ERBIN: variants seen among roughly 807,000 people sequenced by gnomAD.
ERBIN encodes the protein erbb2 interacting protein, also known as densin-180-like protein.
Under a neutral mutation model 158.4 loss-of-function variants are expected in ERBIN, and 60 were observed. The observed-to-expected ratio is 0.38, with a 90% CI of 0.31 to 0.47. The LOEUF is 0.47. ERBIN is among the 20% of genes least tolerant of loss of function. The pLI is 0.99. For missense variants in ERBIN, 1,610 were observed against 1,648.0 expected, an observed-to-expected ratio of 0.98 and a Z score of 0.40; for synonymous variants, 594 against 557.2, an observed-to-expected ratio of 1.07 and a Z score of -0.93.
intron 14 of ERBIN, among the ~76,000 whole-genome samples, chr5:66,033,426 A>G (rs938144035): frequency 2.6e-5 from 4 of 152,228 alleles, no homozygotes; most frequent in Non-Finnish European, 5.9e-5. Context: ...GAGTAGCCAT[A>G]GAAGTAGAAG....
Position 66,053,661 on chromosome 5 carries a change from G to A in ERBIN, c.2343G>A (p.Met781Ile), listed in dbSNP as rs1367586140. The stretch of plus-strand genomic sequence containing the variant: ...ATGATACATTTCAACCAGAGATCAT[G>A]GAAAGATCAAAAACACAGGATATTG... Reference protein sequence around the residue: ...ITNDTFQPEIMERSKTQDIVL... With the variant: ...ITNDTFQPEIIERSKTQDIVL... The change falls in exon 21 of 26, where the codon ATG (methionine) becomes ATA (isoleucine). Residue 781 changes from methionine (M) to isoleucine (I), a missense_variant. By Grantham distance (10) the Met-to-Ile change is conservative. Around this residue, in one of 2 missense-constraint regions of ERBIN, gnomAD observed 1,014 missense variants for 936.1 expected, o/e 1.08. Transcript: ENST00000284037. 6.2e-7 allele frequency: 1 copy of A among 1,613,744 alleles called. No individual in the cohort carries two copies. The highest frequency in any genetic ancestry group is 2.2e-5 in the East Asian group (1 of 44,848).
chr5:65,945,980 TATTTTTA>T (rs1288787206), intron 1 of ERBIN, among the ~76,000 whole-genome samples: 1 of 152,206 alleles, frequency 6.6e-6, no homozygotes, highest in Non-Finnish European at 1.5e-5. Flanking sequence ...ACCTGTTTTT[TATTTTTA>T]TTTTTTATTT....
At position 65,951,725 on chromosome 5, in the gene ERBIN, C is replaced by T. The variant is rs1381707761; in HGVS notation, c.-58+24919C>T. On this transcript the variant is annotated intron_variant, in intron 1 of 25. Coordinates refer to ENST00000284037, the MANE Select transcript of ERBIN (RefSeq NM_001253697.2). ...CATTCGTAAAGCTATGTATAAAGTCCTTGTTTTTAGACTGTGGTTACAGTT... is the reference window on the plus strand; with the variant it reads ...CATTCGTAAAGCTATGTATAAAGTCTTTGTTTTTAGACTGTGGTTACAGTT... Among the ~76,000 whole-genome samples, 4 of 152,174 alleles carry T rather than the reference C, an allele frequency of 2.6e-5. No homozygotes were observed. In the East Asian group the frequency reaches 7.7e-4, roughly 29 times the overall value.
intron 5 of ERBIN, among the ~76,000 whole-genome samples, chr5:66,012,480 A>G (rs1419175857): frequency 1.3e-5 from 2 of 151,090 alleles, no homozygotes; most frequent in Non-Finnish European, 2.9e-5. Flanking sequence ...TTTGAAAACA[A>G]TGAAACCAAA....
chr5:65,940,978 A>G (rs1350116241), intron 1 of ERBIN, among the ~76,000 whole-genome samples: 3 of 152,106 alleles, frequency 2.0e-5, no homozygotes, highest in Non-Finnish European at 4.4e-5. Flanking sequence ...ACTAAGAAAA[A>G]TTCTTCTGCC....
At chr5:66,074,945 A>G in intron 22 of ERBIN, 79 bp from the exon 23 acceptor site, 2 of 1,296,940 alleles carry the variant, frequency 1.5e-6, no homozygotes, top group East Asian at 2.4e-5. Context: ...GTGCTTTTGT[A>G]ATGCTCCAAG....
At chr5:65,949,414 T>TA (rs1746229980) in intron 1 of ERBIN, among the ~76,000 whole-genome samples, 1 of 152,162 alleles carries the variant, frequency 6.6e-6, no homozygotes, top group Non-Finnish European at 1.5e-5. Flanking sequence ...CTGTACTAGC[T>TA]AAAAAACAAG....
chr5:66,055,203 C>A, intron 21 of ERBIN: 1 of 856,444 alleles, frequency 1.2e-6, no homozygotes, highest in Non-Finnish European at 1.5e-6. Flanking sequence ...ATGTGTCTGT[C>A]TCTTTGAGAT....
chr5:66,080,267 A>G lies in ERBIN; in HGVS notation c.*1737A>G, dbSNP rs1232552149. 1 of 152,566 alleles carries G rather than the reference A, an allele frequency of 6.6e-6. No homozygotes were observed. The highest frequency in any genetic ancestry group is 1.5e-5 in the Non-Finnish European group (1 of 67,976). 9.5% of individuals were successfully genotyped at this position (152,566 alleles called of 1,614,324 possible). A position where few individuals can be genotyped will look rare whatever the true frequency, so the allele number is the denominator to read the frequency against. On this transcript the variant is annotated 3_prime_UTR_variant, in exon 26 of 26. Transcript: ENST00000284037. ...CACTTTTAAAAATATGTGAACTCAA[A>G]TATTGCACTTCTTTCAAGATGTTAT...
Position 66,013,544 on chromosome 5 carries a change from T to C in ERBIN, c.387-5T>C, listed in dbSNP as rs201388624. 52 of 1,584,830 alleles carry C rather than the reference T, an allele frequency of 3.3e-5. No individual in the cohort carries two copies. Among genetic ancestry groups the C allele is most frequent in the African/African-American group, 6.7e-5 (5 of 74,282 alleles). The stretch of plus-strand genomic sequence containing the variant: ...ACTTAACTTAAATTCTGGTATTTTA[T>C]GTAGGCTCCCTGATGGATTTTCTCA... On this transcript the variant is annotated splice_polypyrimidine_tract_variant and splice_region_variant and intron_variant, in intron 5 of 25. Transcript: ENST00000284037.
intron 1 of ERBIN, among the ~76,000 whole-genome samples, chr5:65,984,248 T>TG (rs1750966547): frequency 1.3e-5 from 2 of 151,022 alleles, no homozygotes; most frequent in South Asian, 4.2e-4. Context: ...CAGGAGGCAG[T>TG]GGGGCCCCTG....
chr5:66,027,711 G>A (rs1316720157), intron 13 of ERBIN, among the ~76,000 whole-genome samples: 2 of 151,970 alleles, frequency 1.3e-5, no homozygotes, highest in Non-Finnish European at 2.9e-5. Flanking sequence ...TTATATAAGG[G>A]ATTTGAGCAT....
intron 1 of ERBIN, among the ~76,000 whole-genome samples, chr5:65,969,638 C>A: frequency 6.6e-6 from 1 of 152,150 alleles, no homozygotes; most frequent in East Asian, 1.9e-4. Flanking sequence ...TTTTTGTTAT[C>A]TGGGAATTCC....
intron 1 of ERBIN, among the ~76,000 whole-genome samples, chr5:65,940,691 G>A (rs1412411127): frequency 6.9e-6 from 1 of 144,766 alleles, no homozygotes; most frequent in Non-Finnish European, 1.5e-5. Context: ...CGGGAGGGAG[G>A]TGGGGGGGTC....
intron 25 of ERBIN, among the ~76,000 whole-genome samples, chr5:66,078,117 A>G (rs1369856201): frequency 6.6e-6 from 1 of 152,196 alleles, no homozygotes; most frequent in African/African-American, 2.4e-5. Context: ...CTGCTACGCT[A>G]CAGTTTGGTC....
At chr5:66,059,982 T>C (rs1247702065) in intron 21 of ERBIN, among the ~76,000 whole-genome samples, 1 of 152,226 alleles carries the variant, frequency 6.6e-6, no homozygotes, top group East Asian at 1.9e-4. Context: ...TCATCAAGGA[T>C]ATTGGTCTAA....
chr5:65,941,260 G>A (rs1198606897), intron 1 of ERBIN, among the ~76,000 whole-genome samples: 4 of 141,616 alleles, frequency 2.8e-5, no homozygotes, highest in Non-Finnish European at 4.5e-5. Context: ...CTCCACTATT[G>A]TCCTATGACC....
In ERBIN at chr5:65,994,340, CTG is replaced by C. The variant is rs1242527875; in HGVS notation, c.190-406_190-405del. 2.0e-5 allele frequency among the ~76,000 whole-genome samples: 3 copies of C among 152,158 alleles called. No homozygotes were observed. The East Asian group carries it at 5.8e-4, about 29-fold the overall frequency. On this transcript the variant is annotated intron_variant, in intron 3 of 25. Coordinates refer to ENST00000284037, the MANE Select transcript of ERBIN (RefSeq NM_001253697.2). The stretch of plus-strand genomic sequence containing the variant: ...AGTCTTGCTACAACAGTGCGAATAA[CTG>C]AATCATTTATGTCTTATCACACCTA...
intron 21 of ERBIN, among the ~76,000 whole-genome samples, chr5:66,063,814 T>C (rs1004838999): frequency 2.6e-5 from 4 of 152,242 alleles, no homozygotes; most frequent in African/African-American, 7.2e-5. Context: ...AATATACTTA[T>C]CTGTCAGAAA....
Sources: gnomAD v4.1 joint callset for allele counts (sites outside exome capture counted in the v4.1 genomes callset) on GRCh38, gnomAD v4.1.1 for gene constraint, gnomAD v4.1.1 regional missense constraint, MANE v1.5 for transcripts, NCBI Gene and HGNC (gene_info 2026-07-23, HGNC 2026-07-21) for gene names.